Variants in COL6A3 observed in about 807,000 individuals in gnomAD.
The protein encoded by COL6A3 is collagen alpha-3(VI) chain.
COL6A3 carries 137 observed loss-of-function variants against 274.1 expected under a neutral mutation model. That is an observed-to-expected ratio of 0.50 (90% confidence interval 0.44 to 0.58). The LOEUF (loss-of-function observed/expected upper bound fraction) is 0.58. COL6A3 is among the 20% of genes least tolerant of loss of function. The probability of loss-of-function intolerance (pLI) is 0.00; values close to 1 mark genes in which losing one functional copy is unlikely to be tolerated. For missense variants in COL6A3, 3,950 were observed against 4,124.9 expected, an observed-to-expected ratio of 0.96 and a Z score of 1.16; for synonymous variants, 1,650 against 1,650.6, an observed-to-expected ratio of 1.00 and a Z score of 0.01.
chr2:237,409,152 C>T lies in COL6A3; in HGVS notation c.-31+4801G>A, dbSNP rs562124334. Among the ~76,000 whole-genome samples, 53 of 152,230 alleles carry T rather than the reference C, an allele frequency of 3.5e-4. No homozygotes were observed. In the South Asian group the frequency reaches 9.8e-3, roughly 28 times the overall value. ...CTTTCTTCATCTGAAGCATAAAGGG[C>T]GTGGAGAAACCATCCACCAAGGTAG... On this transcript the variant is annotated intron_variant, in intron 1 of 43. Coordinates refer to ENST00000295550, the MANE Select transcript of COL6A3 (RefSeq NM_004369.4).
Position 237,351,987 on chromosome 2 carries a change from C to T in COL6A3, c.6753+535G>A, listed in dbSNP as rs34813700. On this transcript the variant is annotated intron_variant, in intron 26 of 43. Coordinates refer to ENST00000295550, the MANE Select transcript of COL6A3 (RefSeq NM_004369.4). The stretch of plus-strand genomic sequence containing the variant: ...CTCAGCCATGAGGGAAACCCGAATA[C>T]GTAATTCCGTGACACCTGATCCTAG... 4.3e-3 allele frequency among the ~76,000 whole-genome samples: 653 copies of T among 152,300 alleles called. 3 individuals are homozygous for T. The highest frequency in any genetic ancestry group is 6.8e-3 in the Non-Finnish European group (461 of 68,024).
rs567112070 is a variant in COL6A3, at chr2:237,366,910, T to C, written c.5277A>G (p.Ala1759=). The change falls in exon 11 of 44, where the codon GCA becomes GCG. Residue 1759 remains alanine, a synonymous_variant. Coordinates refer to ENST00000295550, the MANE Select transcript of COL6A3 (RefSeq NM_004369.4). ...VITGGKSVED[A]QDVSLALTQR... ...GGGTGAGGGCCAGGCTCACATCCTG[T>C]GCATCTTCCACCGACTTTCCTCCCG... The C allele has an allele frequency of 1.3e-5, 21 of 1,614,224 alleles. No individual in the cohort carries two copies. In the African/African-American group the frequency reaches 2.7e-4, roughly 20 times the overall value.
At chr2:237,341,542 C>CAAA (rs2076988716) in intron 37 of COL6A3, among the ~76,000 whole-genome samples, 1 of 53,774 alleles carries the variant, frequency 1.9e-5, no homozygotes, top group African/African-American at 1.2e-4. Context: ...AAGACTCTGT[C>CAAA]TAAAAAAAAA....
intron 1 of COL6A3, 75 bp from the exon 2 acceptor site, chr2:237,396,922 C>T (rs181030857): frequency 2.0e-6 from 2 of 1,005,356 alleles, no homozygotes; most frequent in African/African-American, 1.6e-5. Context: ...AAATCCCATG[C>T]TTTCTACGTC....
chr2:237,324,832 G>T lies in COL6A3; in HGVS notation c.9494-18C>A. The T allele has an allele frequency of 1.2e-6, 2 of 1,612,262 alleles. No individual in the cohort carries two copies. Among genetic ancestry groups the T allele is most frequent in the South Asian group, 1.1e-5 (1 of 91,046 alleles). The stretch of plus-strand genomic sequence containing the variant: ...GGCGAGCACTGAGCGTCGAGAGAGG[G>T]GGTGGGTGGGGTGAGGTGAGGAGCC... On this transcript the variant is annotated intron_variant, in intron 43 of 43. Coordinates refer to ENST00000295550, the MANE Select transcript of COL6A3 (RefSeq NM_004369.4).
rs2077913666 is a variant in COL6A3, at chr2:237,378,626, G to A, written c.2497+10C>T. 1 of 1,612,368 alleles carries A rather than the reference G, an allele frequency of 6.2e-7. No homozygotes were observed. Among genetic ancestry groups the A allele is most frequent in the Non-Finnish European group, 8.5e-7 (1 of 1,180,016 alleles). On this transcript the variant is annotated intron_variant, in intron 6 of 43. Coordinates refer to ENST00000295550, the MANE Select transcript of COL6A3 (RefSeq NM_004369.4). ...AGGAGAGGGAGTTCCCGGCAACAGG[G>A]GAGGTTTACCTGGCTGAGCGAGTGG...
At chr2:237,351,279 A>T (rs2077201356) in intron 26 of COL6A3, 87 bp from the exon 27 acceptor site, 2 of 1,291,314 alleles carry the variant, frequency 1.5e-6, no homozygotes, top group East Asian at 4.6e-5. Flanking sequence ...CCCTGCATGG[A>T]AGTCAGAGCC....
chr2:237,334,905 G>C lies in COL6A3; in HGVS notation c.8966-16C>G, dbSNP rs1270634938. The stretch of plus-strand genomic sequence containing the variant: ...GACATCTTAACTGAAAGATAGATCA[G>C]AGCGTGAAGATAAAAAATAAAATCC... On this transcript the variant is annotated splice_polypyrimidine_tract_variant and intron_variant, in intron 40 of 43. Transcript: ENST00000295550. 3 of 1,614,000 alleles carry C rather than the reference G, an allele frequency of 1.9e-6. No individual in the cohort carries two copies. Among genetic ancestry groups the C allele is most frequent in the Non-Finnish European group, 8.5e-7 (1 of 1,179,976 alleles).
Position 237,324,487 on chromosome 2 carries a change from A to C in COL6A3, c.*287T>G. On this transcript the variant is annotated 3_prime_UTR_variant, in exon 44 of 44. Coordinates refer to ENST00000295550, the MANE Select transcript of COL6A3 (RefSeq NM_004369.4). The stretch of plus-strand genomic sequence containing the variant: ...GGCATAACATGAAACTCCAGAGGGA[A>C]TTTGGATTGATAGGAATGTTCACAT... 7 of 387,300 alleles carry C rather than the reference A, an allele frequency of 1.8e-5. No homozygotes were observed. Among genetic ancestry groups the C allele is most frequent in the East Asian group, 1.5e-4 (3 of 20,384 alleles). 24.0% of individuals were successfully genotyped at this position (387,300 alleles called of 1,614,324 possible). A position where few individuals can be genotyped will look rare whatever the true frequency, so the allele number is the denominator to read the frequency against.
chr2:237,363,090 A>C (rs560163387), intron 14 of COL6A3, among the ~76,000 whole-genome samples, 163 bp downstream of exon 14: 1 of 152,140 alleles, frequency 6.6e-6, no homozygotes, highest in African/African-American at 2.4e-5. Flanking sequence ...CACATGTGTT[A>C]TGGCAACAAG....
chr2:237,360,943 A>G (rs1252354295), intron 16 of COL6A3, among the ~76,000 whole-genome samples, 178 bp downstream of exon 16: 1 of 152,218 alleles, frequency 6.6e-6, no homozygotes, highest in Non-Finnish European at 1.5e-5. Flanking sequence ...CATTTGTCAT[A>G]CTTCAATTAT....
intron 4 of COL6A3, among the ~76,000 whole-genome samples, 178 bp from the exon 5 acceptor site, chr2:237,381,677 C>T (rs1011249641): frequency 6.6e-6 from 1 of 152,218 alleles, no homozygotes; most frequent in Non-Finnish European, 1.5e-5. Flanking sequence ...GTTGCCTCCC[C>T]ACCTGCTGGA....
intron 3 of COL6A3, among the ~76,000 whole-genome samples, chr2:237,393,915 G>A (rs969494215): frequency 1.1e-4 from 16 of 152,296 alleles, no homozygotes; most frequent in Admixed American, 7.2e-4. Flanking sequence ...AACTCCATTA[G>A]AATTAGAAGA....
chr2:237,327,784 G>T (rs1205875497), intron 42 of COL6A3: 1 of 151,920 alleles, frequency 6.6e-6, no homozygotes, highest in Non-Finnish European at 1.5e-5. Context: ...ATGTCGTTTT[G>T]GCTGGACTCT....
rs1184337333 is a variant in COL6A3, at chr2:237,364,931, GTGTGTGCA to G, written c.5839-511_5839-504del. On this transcript the variant is annotated intron_variant, in intron 12 of 43. Coordinates refer to ENST00000295550, the MANE Select transcript of COL6A3 (RefSeq NM_004369.4). The surrounding 1 kb of genome is among the most constrained non-coding windows in gnomAD (Gnocchi z 4.6). ...GGTGCATGTCTGTGGGTGTGTGTGC[GTGTGTGCA>G]TGTGTGCATGTGTTATGGGCTAAAT... 2.0e-5 allele frequency among the ~76,000 whole-genome samples: 3 copies of G among 151,578 alleles called. No individual in the cohort carries two copies. Among genetic ancestry groups the G allele is most frequent in the East Asian group, 3.9e-4 (2 of 5,156 alleles).
rs571970991 is a variant in COL6A3, at chr2:237,365,227, C to T, written c.5838+471G>A. Among the ~76,000 whole-genome samples, 101 of 151,108 alleles carry T rather than the reference C, an allele frequency of 6.7e-4. 1 individual carries two copies. The highest frequency in any genetic ancestry group is 2.4e-3 in the African/African-American group (98 of 41,066). ...GACTCAGGAGAAACAGCCCTGCCGA[C>T]ACCTCGAGGATGTCAAGCCTCCAAG... On this transcript the variant is annotated intron_variant, in intron 12 of 43. Transcript: ENST00000295550.
chr2:237,379,506 A>G (rs925471133), intron 5 of COL6A3, among the ~76,000 whole-genome samples: 2 of 152,210 alleles, frequency 1.3e-5, no homozygotes, highest in African/African-American at 2.4e-5. Context: ...TACAGACAAC[A>G]AAAGTGATCA....
chr2:237,363,992 C>T (rs866645076), intron 13 of COL6A3, among the ~76,000 whole-genome samples: 1 of 152,260 alleles, frequency 6.6e-6, no homozygotes. Flanking sequence ...GTGATAACTG[C>T]AAACCAAAAA....
chr2:237,332,357 A>T (rs2106309024), intron 42 of COL6A3, among the ~76,000 whole-genome samples: 1 of 151,994 alleles, frequency 6.6e-6, no homozygotes, highest in East Asian at 2.0e-4. Context: ...CCCACACTGT[A>T]TTCAGGGAGA....
Sources: allele counts gnomAD v4.1 joint callset (sites outside exome capture counted in the v4.1 genomes callset), GRCh38; gene constraint gnomAD v4.1.1; non-coding constraint Gnocchi (gnomAD v3.1); transcripts MANE v1.5; gene names NCBI Gene and HGNC (gene_info 2026-07-23, HGNC 2026-07-21).